Variants in GALNT13 observed in about 807,000 individuals in gnomAD.
GALNT13 encodes polypeptide N-acetylgalactosaminyltransferase 13, also known as UDP-GalNAc:polypeptide N-acetylgalactosaminyltransferase 13.
Under a neutral mutation model 64.2 loss-of-function variants are expected in GALNT13, and 28 were observed. The observed-to-expected ratio is 0.44, with a 90% CI of 0.32 to 0.60. GALNT13 has a LOEUF of 0.60. Ranked by LOEUF, GALNT13 falls within the 20% of genes least tolerant of loss-of-function variation. GALNT13 has a pLI of 0.05. For missense variants in GALNT13, 577 were observed against 669.8 expected (o/e 0.86, Z 1.53); for synonymous variants, 214 against 224.6 (o/e 0.95, Z 0.42).
At chr2:153,629,007 A>G in the GALNT13 span, among the ~76,000 whole-genome samples, 1 of 152,118 alleles carries the variant, frequency 6.6e-6, no homozygotes, top group South Asian at 2.1e-4. Context: ...GCTATTAATT[A>G]TTGCCACAAT....
the GALNT13 span, among the ~76,000 whole-genome samples, chr2:153,649,774 T>A: frequency 3.6e-4 from 53 of 147,576 alleles, no homozygotes; most frequent in Non-Finnish European, 5.3e-4. Context: ...GTTGAGCGGT[T>A]TTGAGTGAGT....
intron 9 of GALNT13, among the ~76,000 whole-genome samples, chr2:154,352,251 C>A (rs1574140363): frequency 6.6e-6 from 1 of 152,204 alleles, no homozygotes. Context: ...AATAATAAAG[C>A]TGAACCATGG....
At chr2:153,516,537 G>A in the GALNT13 span, among the ~76,000 whole-genome samples, 1 of 152,092 alleles carries the variant, frequency 6.6e-6, no homozygotes, top group Non-Finnish European at 1.5e-5. Context: ...TAGGTGGTAG[G>A]AAGAGAGGGA....
chr2:153,779,913 C>T, the GALNT13 span, among the ~76,000 whole-genome samples: 2 of 152,108 alleles, frequency 1.3e-5, no homozygotes, highest in Non-Finnish European at 2.9e-5. Flanking sequence ...ATTTTCTTCA[C>T]TGTTCAGCTT....
At chr2:153,083,916 A>G in the GALNT13 span, among the ~76,000 whole-genome samples, 2 of 152,216 alleles carry the variant, frequency 1.3e-5, no homozygotes, top group Non-Finnish European at 2.9e-5. Flanking sequence ...TTTTTGCATA[A>G]GGTGAGAGAT....
chr2:153,580,223 A>AATCTTTC, the GALNT13 span, among the ~76,000 whole-genome samples: 1 of 152,188 alleles, frequency 6.6e-6, no homozygotes, highest in Non-Finnish European at 1.5e-5. Context: ...CAAAGTAACG[A>AATCTTTC]ATCTTTCATA....
chr2:154,049,014 A>G (rs968767986), intron 3 of GALNT13, among the ~76,000 whole-genome samples: 5 of 152,090 alleles, frequency 3.3e-5, no homozygotes, highest in Non-Finnish European at 7.4e-5. Flanking sequence ...GGAACTTACT[A>G]TGGTTCAAGA....
At chr2:153,977,216 T>A (rs1161033441) in intron 3 of GALNT13, among the ~76,000 whole-genome samples, 1 of 152,202 alleles carries the variant, frequency 6.6e-6, no homozygotes, top group African/African-American at 2.4e-5. Flanking sequence ...GCATAAATGA[T>A]TCTTTTATGC....
chr2:154,004,826 C>T (rs902193873), intron 3 of GALNT13, among the ~76,000 whole-genome samples: 1 of 152,144 alleles, frequency 6.6e-6, no homozygotes, highest in South Asian at 2.1e-4. Flanking sequence ...AATCTTTACA[C>T]AATGCTAAAC....
chr2:153,960,300 G>A (rs1432236136), intron 3 of GALNT13, among the ~76,000 whole-genome samples: 1 of 152,164 alleles, frequency 6.6e-6, no homozygotes, highest in South Asian at 2.1e-4. Context: ...GCCCCATGTT[G>A]GGTGCCAAGC....
the GALNT13 span, among the ~76,000 whole-genome samples, chr2:153,796,113 T>C: frequency 3.3e-5 from 5 of 152,210 alleles, no homozygotes; most frequent in African/African-American, 1.2e-4. Flanking sequence ...TTAGCAATGG[T>C]GGCCTTTGTG....
At chr2:153,440,412 T>C in the GALNT13 span, among the ~76,000 whole-genome samples, 1 of 152,208 alleles carries the variant, frequency 6.6e-6, no homozygotes, top group African/African-American at 2.4e-5. Flanking sequence ...AATAAACATA[T>C]GTGTGCATGT....
At chr2:153,200,683 G>C in the GALNT13 span, among the ~76,000 whole-genome samples, 223 of 152,316 alleles carry the variant, frequency 1.5e-3, 6 homozygotes, top group East Asian at 0.039. Context: ...CAGGTTGTTT[G>C]ATTTTGAGGA....
chr2:153,703,723 A>G, the GALNT13 span, among the ~76,000 whole-genome samples: 4 of 152,158 alleles, frequency 2.6e-5, no homozygotes, highest in African/African-American at 9.7e-5. Context: ...CTGAAAGTAG[A>G]ATCTAATTAA....
intron 4 of GALNT13, among the ~76,000 whole-genome samples, chr2:154,143,249 G>C (rs1683368425): frequency 1.3e-5 from 2 of 152,180 alleles, no homozygotes; most frequent in South Asian, 4.1e-4. Context: ...TGGCTGATCT[G>C]ACAGGACACT....
chr2:153,918,772 A>T (rs566137738), intron 2 of GALNT13, among the ~76,000 whole-genome samples: 1 of 152,238 alleles, frequency 6.6e-6, no homozygotes, highest in South Asian at 2.1e-4. Context: ...ACATGTAAAA[A>T]TATCTTTCCC....
At chr2:154,251,625 C>A (rs1690074649) in intron 7 of GALNT13, among the ~76,000 whole-genome samples, 1 of 152,174 alleles carries the variant, frequency 6.6e-6, no homozygotes, top group African/African-American at 2.4e-5. Context: ...GTAACAATTT[C>A]TTCTCTACAG....
intron 8 of GALNT13, among the ~76,000 whole-genome samples, chr2:154,301,109 T>A: frequency 6.6e-6 from 1 of 152,290 alleles, no homozygotes; most frequent in African/African-American, 2.4e-5. Flanking sequence ...CAGATTTGGG[T>A]ACCAAATCTA....
At chr2:153,403,795 G>A in the GALNT13 span, among the ~76,000 whole-genome samples, 3 of 152,158 alleles carry the variant, frequency 2.0e-5, no homozygotes, top group African/African-American at 7.2e-5. Flanking sequence ...GCTCGTGCAC[G>A]GTGTGCTCAC....
Sources: gnomAD v4.1 joint callset for allele counts (sites outside exome capture counted in the v4.1 genomes callset) on GRCh38, gnomAD v4.1.1 for gene constraint, MANE v1.5 for transcripts, NCBI Gene and HGNC (gene_info 2026-07-23, HGNC 2026-07-21) for gene names.